The following TMEM232 variants were observed in gnomAD, a reference collection of about 807,000 sequenced individuals.
TMEM232 encodes transmembrane protein 232.
Under a neutral mutation model 78.8 loss-of-function variants are expected in TMEM232, and 80 were observed. The ratio of observed to expected loss-of-function variants is 1.01; its 90% CI spans 0.85 to 1.22. The LOEUF is 1.22. Ranked by LOEUF, TMEM232 falls within the 50% of genes most tolerant of loss-of-function variation. TMEM232 has a pLI of 0.00. For synonymous variants in TMEM232, 297 were observed against 254.3 expected (o/e 1.17, Z -1.60); for missense variants, 881 against 742.2 (o/e 1.19, Z -2.17).
At chr5:110,721,726 G>A (rs1437156649) in intron 1 of TMEM232, among the ~76,000 whole-genome samples, 2 of 91,214 alleles carry the variant, frequency 2.2e-5, no homozygotes, top group African/African-American at 7.2e-5. Flanking sequence ...GGGTGCGTCT[G>A]CCTCCCTAGA....
chr5:110,450,686 A>T (rs767009068), intron 12 of TMEM232, among the ~76,000 whole-genome samples: 1 of 152,206 alleles, frequency 6.6e-6, no homozygotes, highest in Non-Finnish European at 1.5e-5. Flanking sequence ...ATACAACTGT[A>T]CCAGTGCTTT....
At chr5:110,548,896 A>G (rs1390838104) in intron 11 of TMEM232, among the ~76,000 whole-genome samples, 2 of 152,060 alleles carry the variant, frequency 1.3e-5, no homozygotes, top group Admixed American at 6.5e-5. Flanking sequence ...TTTAAAAATC[A>G]TAATGATTAT....
intron 10 of TMEM232, among the ~76,000 whole-genome samples, chr5:110,597,950 T>C (rs1277952670): frequency 3.9e-5 from 6 of 152,156 alleles, no homozygotes; most frequent in Non-Finnish European, 5.9e-5. Flanking sequence ...GACATAGGCA[T>C]GGGCAAGGAC....
chr5:110,543,674 G>A (rs1000618251), intron 11 of TMEM232, among the ~76,000 whole-genome samples: 1 of 152,124 alleles, frequency 6.6e-6, no homozygotes, highest in African/African-American at 2.4e-5. Context: ...TCTAGACAGT[G>A]AGAAGGTCAA....
intron 12 of TMEM232, among the ~76,000 whole-genome samples, chr5:110,472,871 A>G (rs1003493606): frequency 2.0e-5 from 3 of 151,936 alleles, no homozygotes; most frequent in Non-Finnish European, 4.4e-5. Flanking sequence ...GAATGTCTAC[A>G]TTCAGAAGAA....
chr5:110,664,519 G>A (rs1790289191), intron 2 of TMEM232, among the ~76,000 whole-genome samples: 1 of 152,170 alleles, frequency 6.6e-6, no homozygotes, highest in African/African-American at 2.4e-5. Flanking sequence ...TGTATCTCTT[G>A]AAGTATTCTT....
At chr5:110,576,138 T>C (rs1009593564) in intron 10 of TMEM232, among the ~76,000 whole-genome samples, 4 of 152,030 alleles carry the variant, frequency 2.6e-5, no homozygotes, top group African/African-American at 7.2e-5. Flanking sequence ...GAAAACCCCA[T>C]TGTCTTAGCC....
In TMEM232 at chr5:110,568,643, G is replaced by A; in HGVS notation, c.1277-18C>T. The A allele has an allele frequency of 6.6e-7, 1 of 1,519,476 alleles. No homozygotes were observed. The allele number at this position is 1,519,476 out of a possible 1,614,324, so 94.1% of individuals were successfully genotyped here. A position where few individuals can be genotyped will look rare whatever the true frequency, so the allele number is the denominator to read the frequency against. ...TTGATCACCTGTTTAAAAAGAAAAA[G>A]TCTTTGGGAATTATCATTTTATTCA... On this transcript the variant is annotated intron_variant, in intron 10 of 13. Coordinates refer to ENST00000455884, the MANE Select transcript of TMEM232 (RefSeq NM_001039763.4).
intron 12 of TMEM232, among the ~76,000 whole-genome samples, chr5:110,453,181 G>A (rs1324135095): frequency 6.6e-6 from 1 of 152,104 alleles, no homozygotes; most frequent in African/African-American, 2.4e-5. Context: ...GGCCCAATTT[G>A]CTGCAGCACA....
At chr5:110,727,080 G>C (rs180740473), upstream of TMEM232, among the ~76,000 whole-genome samples, 93 of 152,204 alleles carry the variant, frequency 6.1e-4, no homozygotes, top group African/African-American at 2.1e-3. Flanking sequence ...CTCAGCACCC[G>C]TCAGTGAGTA....
intron 11 of TMEM232, among the ~76,000 whole-genome samples, chr5:110,544,235 A>G (rs918274484): frequency 2.0e-5 from 3 of 152,166 alleles, no homozygotes; most frequent in Admixed American, 6.6e-5. Flanking sequence ...TATCTATGTT[A>G]ACTTTATTGA....
At chr5:110,700,778 A>ACAGATAGG (rs1554081839) in intron 1 of TMEM232, among the ~76,000 whole-genome samples, 21 of 125,628 alleles carry the variant, frequency 1.7e-4, no homozygotes, top group African/African-American at 5.7e-4. Context: ...AGGTAGATAG[A>ACAGATAGG]TAGATAGGTA....
chr5:110,555,791 G>A (rs113501435), intron 11 of TMEM232, among the ~76,000 whole-genome samples: 1,987 of 152,070 alleles, frequency 0.013, 36 homozygotes, highest in African/African-American at 0.045. Context: ...TTTAAAATCC[G>A]TTTTGCCTGA....
intron 10 of TMEM232, among the ~76,000 whole-genome samples, chr5:110,587,314 A>T (rs924029516): frequency 2.0e-5 from 3 of 152,108 alleles, no homozygotes; most frequent in Non-Finnish European, 4.4e-5. Context: ...CACTAAGCTT[A>T]TAAAATAAAC....
intron 10 of TMEM232, among the ~76,000 whole-genome samples, chr5:110,577,981 C>T (rs1467152781): frequency 6.6e-6 from 1 of 151,688 alleles, no homozygotes; most frequent in African/African-American, 2.4e-5. Context: ...ATCCCCATGA[C>T]ACAAGTTTAC....
rs574503835 is a variant in TMEM232 at position 110,705,721 on chromosome 5, T to C, written c.-13+20906A>G. On this transcript the variant is annotated intron_variant, in intron 1 of 13. Coordinates refer to ENST00000455884, the MANE Select transcript of TMEM232 (RefSeq NM_001039763.4). Reference sequence around the variant, plus strand: ...GTATATGTGTGTGTATATATATATATATACACACACACACATATGTGTGTG... The same window carrying C: ...GTATATGTGTGTGTATATATATATACATACACACACACACATATGTGTGTG... 2.5e-4 allele frequency among the ~76,000 whole-genome samples: 19 copies of C among 75,700 alleles called. 1 individual carries two copies. The highest frequency in any genetic ancestry group is 1.7e-3 in the South Asian group (3 of 1,754). 49.7% of individuals were successfully genotyped at this position (75,700 alleles called of 152,430 possible). A position where few individuals can be genotyped will look rare whatever the true frequency, so the allele number is the denominator to read the frequency against.
At chr5:110,516,002 G>A (rs374304560) in intron 12 of TMEM232, among the ~76,000 whole-genome samples, 1 of 152,348 alleles carries the variant, frequency 6.6e-6, no homozygotes, top group East Asian at 1.9e-4. Context: ...CACTTTGGGA[G>A]GCCAGGGCGG....
chr5:110,461,315 G>A (rs1411579711), intron 12 of TMEM232, among the ~76,000 whole-genome samples: 2 of 152,098 alleles, frequency 1.3e-5, no homozygotes, highest in African/African-American at 2.4e-5. Context: ...GGTCTGGATA[G>A]AGGATGAAGC....
At chr5:110,569,974 T>G (rs1776755625) in intron 10 of TMEM232, among the ~76,000 whole-genome samples, 1 of 151,922 alleles carries the variant, frequency 6.6e-6, no homozygotes, top group East Asian at 1.9e-4. Flanking sequence ...TTTCTAGTCA[T>G]GACCTTCCAT....
Sources: gnomAD v4.1 joint callset for allele counts (sites outside exome capture counted in the v4.1 genomes callset) on GRCh38, gnomAD v4.1.1 for gene constraint, MANE v1.5 for transcripts, NCBI Gene and HGNC (gene_info 2026-07-23, HGNC 2026-07-21) for gene names.